Variants in EXOC6 observed in about 807,000 individuals in gnomAD.
EXOC6 encodes the protein exocyst complex component 6.
In EXOC6, 60 loss-of-function variants were observed where a neutral mutation model predicts 112.5. That is an observed-to-expected ratio of 0.53 (90% CI 0.43 to 0.66). The LOEUF (loss-of-function observed/expected upper bound fraction) is 0.66, where lower values mean the gene tolerates loss of function less well. Ranked by LOEUF, EXOC6 falls within the 30% of genes least tolerant of loss-of-function variation. The pLI is 0.00. For synonymous variants in EXOC6, 295 were observed against 308.0 expected, an observed-to-expected ratio of 0.96 and a Z score of 0.44; for missense variants, 855 against 957.1, an observed-to-expected ratio of 0.89 and a Z score of 1.41.
chr10:92,831,347 A>G (rs1191898080), upstream of EXOC6: 1 of 1,288,666 alleles, frequency 7.8e-7, no homozygotes, highest in African/African-American at 1.5e-5. Context: ...GAGCGGGGTC[A>G]TGCAGTGACA....
intron 20 of EXOC6, among the ~76,000 whole-genome samples, chr10:93,046,621 G>T (rs532192799): frequency 6.7e-6 from 1 of 149,194 alleles, no homozygotes; most frequent in East Asian, 1.9e-4. Flanking sequence ...TTATGAGACC[G>T]AGTTTTGTTC....
At chr10:93,030,881 T>C (rs1355795622) in intron 20 of EXOC6, among the ~76,000 whole-genome samples, 2 of 152,176 alleles carry the variant, frequency 1.3e-5, no homozygotes, top group Admixed American at 1.3e-4. Flanking sequence ...TAAAGTGACA[T>C]TTTTCAAGAT....
rs750040952 is a variant in EXOC6 at position 92,954,744 on chromosome 10, A to T, written c.1638+3A>T. On this transcript the variant is annotated splice_donor_region_variant and intron_variant, in intron 16 of 21. Transcript: ENST00000260762. ...AACCTCATATAGGTTTGACAGAGGTAGGTTAAAAAGACACATATAGTGAAA... is the reference window on the plus strand; with the variant it reads ...AACCTCATATAGGTTTGACAGAGGTTGGTTAAAAAGACACATATAGTGAAA... The T allele has an allele frequency of 4.5e-6, 6 of 1,320,714 alleles. No individual in the cohort carries two copies. The highest frequency in any genetic ancestry group is 6.5e-6 in the Non-Finnish European group (6 of 922,512). The allele number at this position is 1,320,714 out of a possible 1,614,324, so 81.8% of individuals were successfully genotyped here.
At chr10:93,049,668 C>T (rs546178154) in intron 20 of EXOC6, among the ~76,000 whole-genome samples, 2 of 152,296 alleles carry the variant, frequency 1.3e-5, no homozygotes, top group South Asian at 4.1e-4. Flanking sequence ...CAGCCTCCAC[C>T]TTCTGGACTC....
chr10:93,003,918 A>ATGTTTAGGGAATCT (rs1273314614), intron 19 of EXOC6, among the ~76,000 whole-genome samples: 1 of 152,158 alleles, frequency 6.6e-6, no homozygotes, highest in African/African-American at 2.4e-5. Flanking sequence ...TGATAAGACA[A>ATGTTTAGGGAATCT]TGTTTAGGGA....
At chr10:93,010,752 G>C (rs1844201654) in intron 19 of EXOC6, among the ~76,000 whole-genome samples, 1 of 151,364 alleles carries the variant, frequency 6.6e-6, no homozygotes, top group African/African-American at 2.4e-5. Context: ...GAGTCTTTAG[G>C]GGACTGTTGG....
intron 1 of EXOC6, among the ~76,000 whole-genome samples, chr10:92,871,199 A>G (rs1848429731): frequency 6.6e-6 from 1 of 152,078 alleles, no homozygotes; most frequent in Non-Finnish European, 1.5e-5. Flanking sequence ...AAGTTTATCA[A>G]ATTTATTTGA....
At chr10:92,898,864 T>C (rs759654088) in intron 4 of EXOC6, among the ~76,000 whole-genome samples, 5 of 152,180 alleles carry the variant, frequency 3.3e-5, no homozygotes, top group Admixed American at 6.5e-5. Context: ...TCTGTCCATA[T>C]TGTAGAGGGA....
At chr10:92,963,309 C>T (rs1398787577) in intron 17 of EXOC6, among the ~76,000 whole-genome samples, 1 of 152,094 alleles carries the variant, frequency 6.6e-6, no homozygotes, top group African/African-American at 2.4e-5. Context: ...TGGGCTGTAG[C>T]TTTTTACCTA....
intron 19 of EXOC6, among the ~76,000 whole-genome samples, chr10:93,005,383 T>A (rs1843931117): frequency 6.6e-6 from 1 of 152,182 alleles, no homozygotes; most frequent in Admixed American, 6.5e-5. Context: ...AAATGTCTTC[T>A]TATTTGGAGG....
At chr10:92,887,128 T>C (rs1223800466) in intron 1 of EXOC6, among the ~76,000 whole-genome samples, 1 of 152,184 alleles carries the variant, frequency 6.6e-6, no homozygotes, top group East Asian at 1.9e-4. Flanking sequence ...AGGTTAACCC[T>C]ACATGGTTAT....
chr10:93,002,031 A>G (rs1843780405), intron 19 of EXOC6, among the ~76,000 whole-genome samples: 1 of 152,190 alleles, frequency 6.6e-6, no homozygotes, highest in South Asian at 2.1e-4. Flanking sequence ...ATTGTTTCAT[A>G]TTCTATAATT....
chr10:92,869,964 T>A (rs1848364818), intron 1 of EXOC6, among the ~76,000 whole-genome samples: 1 of 148,630 alleles, frequency 6.7e-6, no homozygotes, highest in Non-Finnish European at 1.5e-5. Flanking sequence ...TTTTTTTTTT[T>A]TTTTTGAGAT....
rs188148135 is a variant in EXOC6 at position 93,016,472 on chromosome 10, A to T, written c.2169+2205A>T. On this transcript the variant is annotated intron_variant, in intron 20 of 21. Transcript: ENST00000260762. ...GATCCTATTTTAATCAAGTGTTTTA[A>T]ACCTTTGATATTTGACATACTTCCC... is the stretch of plus-strand genomic sequence containing the variant. Among the ~76,000 whole-genome samples the T allele has an allele frequency of 2.0e-5, 3 of 152,202 alleles. No individual in the cohort carries two copies. The East Asian group carries it at 5.8e-4, about 29-fold the overall frequency.
chr10:92,988,674 C>A (rs918986560), intron 18 of EXOC6, among the ~76,000 whole-genome samples: 7 of 152,060 alleles, frequency 4.6e-5, no homozygotes, highest in Non-Finnish European at 1.0e-4. Flanking sequence ...ACATATATTT[C>A]TGAGGCCGGA....
intron 17 of EXOC6, among the ~76,000 whole-genome samples, chr10:92,958,876 A>C (rs1043266522): frequency 2.6e-5 from 4 of 152,120 alleles, no homozygotes; most frequent in Non-Finnish European, 5.9e-5. Flanking sequence ...TGGGCGGATC[A>C]TGAGGTCAGG....
At chr10:93,047,869 C>G (rs1222400327) in intron 20 of EXOC6, among the ~76,000 whole-genome samples, 1 of 152,086 alleles carries the variant, frequency 6.6e-6, no homozygotes, top group Non-Finnish European at 1.5e-5. Flanking sequence ...TTGCTTGAAC[C>G]TGGGAGGCGG....
chr10:92,899,882 T>G (rs1480921309), intron 5 of EXOC6: 1 of 400,964 alleles, frequency 2.5e-6, no homozygotes, highest in African/African-American at 2.1e-5. Context: ...CAAGTACAAA[T>G]AGCCGAACAG....
chr10:93,023,923 A>C (rs534965758), intron 20 of EXOC6, among the ~76,000 whole-genome samples: 1 of 152,186 alleles, frequency 6.6e-6, no homozygotes, highest in South Asian at 2.1e-4. Context: ...TGTCACATAT[A>C]ACTGAATTTT....
Sources: allele counts gnomAD v4.1 joint callset (sites outside exome capture counted in the v4.1 genomes callset), GRCh38; gene constraint gnomAD v4.1.1; transcripts MANE v1.5; gene names NCBI Gene and HGNC (gene_info 2026-07-23, HGNC 2026-07-21).